The following ZNF248 variants were observed in gnomAD, a reference collection of about 807,000 sequenced individuals.
The protein encoded by ZNF248 is zinc finger protein 248.
ZNF248 carries 20 observed loss-of-function variants against 44.3 expected under a neutral mutation model. That is an observed-to-expected ratio of 0.45 (90% CI 0.32 to 0.66). The LOEUF (loss-of-function observed/expected upper bound fraction) is 0.66, where lower values mean the gene tolerates loss of function less well. Among genes scored for constraint, ZNF248 ranks in the 30% least tolerant of loss-of-function variants. The pLI, the probability that ZNF248 is intolerant of heterozygous loss-of-function variation, is 0.04. For missense variants in ZNF248, 654 were observed against 677.0 expected, an observed-to-expected ratio of 0.97 and a Z score of 0.38; for synonymous variants, 224 against 229.0, an observed-to-expected ratio of 0.98 and a Z score of 0.20.
the ZNF248 span, among the ~76,000 whole-genome samples, chr10:37,768,872 T>G: frequency 6.6e-6 from 1 of 152,042 alleles, no homozygotes; most frequent in African/African-American, 2.4e-5. Context: ...GATAGACTGC[T>G]AGCAAGACTA....
At chr10:37,793,000 G>T (rs933087758) in intron 6 of ZNF248, among the ~76,000 whole-genome samples, 2 of 152,102 alleles carry the variant, frequency 1.3e-5, no homozygotes, top group East Asian at 3.9e-4. Context: ...CTGGGTGAAA[G>T]GTGTACGAGA....
rs1247758054 is a variant in ZNF248 at position 37,829,627 on chromosome 10, G to A, written c.*1988C>T. On this transcript the variant is annotated 3_prime_UTR_variant, in exon 6 of 6. Coordinates refer to ENST00000395867, the MANE Select transcript of ZNF248 (RefSeq NM_021045.3). Reference sequence around the variant, plus strand: ...ACAGGTATAGAGAGCAGAGTAGCTCGGCAACGTCACCTCTGAGCTGGCTTT... The same window carrying A: ...ACAGGTATAGAGAGCAGAGTAGCTCAGCAACGTCACCTCTGAGCTGGCTTT... The A allele has an allele frequency of 2.2e-5, 22 of 985,252 alleles. No individual in the cohort carries two copies. Among genetic ancestry groups the A allele is most frequent in the East Asian group, 2.3e-4 (2 of 8,826 alleles). 61.0% of individuals were successfully genotyped at this position (985,252 alleles called of 1,614,324 possible).
intron 6 of ZNF248, among the ~76,000 whole-genome samples, chr10:37,798,901 A>G (rs1230986099): frequency 6.6e-6 from 1 of 152,116 alleles, no homozygotes; most frequent in African/African-American, 2.4e-5. Flanking sequence ...TGCCCAACCT[A>G]TATGCACACA....
chr10:37,790,826 A>G (rs1482206534), intron 6 of ZNF248, among the ~76,000 whole-genome samples: 2 of 150,976 alleles, frequency 1.3e-5, no homozygotes, highest in East Asian at 1.9e-4. Flanking sequence ...AGGCTGAGAT[A>G]GGAACATTGC....
downstream of ZNF248, chr10:37,775,445 T>C (rs1435526848): frequency 1.3e-5 from 2 of 152,168 alleles, no homozygotes; most frequent in Non-Finnish European, 2.9e-5. Context: ...AGATCTGGCC[T>C]GCTACGGACC....
At position 37,828,838 on chromosome 10, in the gene ZNF248, C is replaced by A. The variant is rs1269111884; in HGVS notation, c.*2777G>T. The A allele has an allele frequency of 1.0e-6, 1 of 985,270 alleles. No homozygotes were observed. The highest frequency in any genetic ancestry group is 1.2e-6 in the Non-Finnish European group (1 of 829,942). The allele number at this position is 985,270 out of a possible 1,614,324, so 61.0% of individuals were successfully genotyped here. A position where few individuals can be genotyped will look rare whatever the true frequency, so the allele number is the denominator to read the frequency against. On this transcript the variant is annotated 3_prime_UTR_variant, in exon 6 of 6. Transcript: ENST00000395867. ...ACACCACATACAATAAGAAACACCACAGGGAGGTATGAATAATGTAATTTA... is the reference window on the plus strand; with the variant it reads ...ACACCACATACAATAAGAAACACCAAAGGGAGGTATGAATAATGTAATTTA...
chr10:37,804,892 T>C (rs1479951867), intron 6 of ZNF248, among the ~76,000 whole-genome samples: 3 of 152,348 alleles, frequency 2.0e-5, no homozygotes, highest in Non-Finnish European at 4.4e-5. Context: ...TGTATAATGA[T>C]AATAAACATT....
At chr10:37,761,358 A>C in the ZNF248 span, among the ~76,000 whole-genome samples, 5 of 152,254 alleles carry the variant, frequency 3.3e-5, no homozygotes, top group Non-Finnish European at 7.3e-5. Flanking sequence ...ACCATTTAGC[A>C]TGAAGATAGT....
the ZNF248 span, among the ~76,000 whole-genome samples, chr10:37,767,066 T>C: frequency 6.6e-6 from 1 of 151,310 alleles, no homozygotes; most frequent in East Asian, 1.9e-4. Flanking sequence ...AGAAGGGAAG[T>C]TTAGAAAAAA....
At chr10:37,780,504 C>T (rs1281420250) in intron 6 of ZNF248, among the ~76,000 whole-genome samples, 1 of 146,098 alleles carries the variant, frequency 6.8e-6, no homozygotes, top group East Asian at 2.3e-4. Flanking sequence ...ACACCTTATA[C>T]AAAAATCAAT....
At position 37,837,623 on chromosome 10, in the gene ZNF248, G is replaced by A; in HGVS notation, c.232C>T (p.His78Tyr). 1.9e-6 allele frequency: 3 copies of A among 1,613,798 alleles called. No homozygotes were observed. Among genetic ancestry groups the A allele is most frequent in the Non-Finnish European group, 2.5e-6 (3 of 1,179,794 alleles). The change falls in exon 5 of 6, where the codon CAC becomes TAC. Residue 78 changes from histidine to tyrosine, a missense_variant. His to Tyr is a moderately conservative substitution (Grantham distance 83). Transcript: ENST00000395867. ...ILEKGFPSQC[H>Y]PERKWKVDDV... Reference sequence around the variant, plus strand: ...CCAGAAATCACTAACTCACCTGGGTGGCACTGGCTTGGGAATCCTTTTTCT... The same window carrying A: ...CCAGAAATCACTAACTCACCTGGGTAGCACTGGCTTGGGAATCCTTTTTCT...
chr10:37,789,938 A>G (rs1473391338), intron 6 of ZNF248, among the ~76,000 whole-genome samples: 1 of 152,162 alleles, frequency 6.6e-6, no homozygotes, highest in African/African-American at 2.4e-5. Flanking sequence ...AATGAACCAC[A>G]AGCTTTATCT....
At chr10:37,800,562 T>G (rs2049683757) in intron 6 of ZNF248, among the ~76,000 whole-genome samples, 1 of 152,182 alleles carries the variant, frequency 6.6e-6, no homozygotes, top group South Asian at 2.1e-4. Flanking sequence ...CTATTGTGAA[T>G]AGTGCTGCAA....
At chr10:37,825,007 A>C (rs1257759637), downstream of ZNF248, among the ~76,000 whole-genome samples, 1 of 151,870 alleles carries the variant, frequency 6.6e-6, no homozygotes, top group Non-Finnish European at 1.5e-5. Flanking sequence ...TAAAAGCTTG[A>C]AGTAATTTGA....
chr10:37,850,776 T>A (rs925287784), intron 3 of ZNF248, among the ~76,000 whole-genome samples: 3 of 152,100 alleles, frequency 2.0e-5, no homozygotes, highest in African/African-American at 4.8e-5. Flanking sequence ...TGAGCCTCAA[T>A]CTAAACCTCA....
intron 6 of ZNF248, among the ~76,000 whole-genome samples, chr10:37,818,218 C>T (rs1425462587): frequency 3.3e-5 from 5 of 152,250 alleles, no homozygotes; most frequent in South Asian, 4.1e-4. Flanking sequence ...GCCCGGCCTT[C>T]TAGTCTGTAT....
intron 3 of ZNF248, among the ~76,000 whole-genome samples, chr10:37,850,345 T>C (rs780612641): frequency 3.9e-5 from 6 of 152,074 alleles, no homozygotes; most frequent in East Asian, 1.9e-4. Context: ...GCTGAAAAAA[T>C]AGCAGAGTCA....
intron 5 of ZNF248, 141 bp from the exon 6 acceptor site, chr10:37,833,257 C>T (rs1471472098): frequency 4.8e-6 from 6 of 1,261,408 alleles, no homozygotes; most frequent in Non-Finnish European, 6.2e-6. Context: ...TTCAAGTGTA[C>T]ATTTTCTTTA....
downstream of ZNF248, among the ~76,000 whole-genome samples, chr10:37,775,704 A>T (rs1000315296): frequency 2.0e-5 from 3 of 152,182 alleles, no homozygotes; most frequent in African/African-American, 7.2e-5. Context: ...ATTATATCAG[A>T]AGACAAATTG....
Sources: allele counts gnomAD v4.1 joint callset (sites outside exome capture counted in the v4.1 genomes callset), GRCh38; gene constraint gnomAD v4.1.1; transcripts MANE v1.5; gene names NCBI Gene and HGNC (gene_info 2026-07-23, HGNC 2026-07-21).